The following TTC39C variants were observed in gnomAD, a reference collection of about 807,000 sequenced individuals.
The protein encoded by TTC39C is tetratricopeptide repeat domain 39C, also known as tetratricopeptide repeat protein 39C.
Under a neutral mutation model 76.3 loss-of-function variants are expected in TTC39C, and 33 were observed. The observed-to-expected ratio is 0.43, with a 90% CI of 0.33 to 0.58. TTC39C has a LOEUF of 0.58. Ranked by LOEUF, TTC39C falls within the 20% of genes least tolerant of loss-of-function variation. The probability of loss-of-function intolerance (pLI) is 0.04; values close to 1 mark genes in which losing one functional copy is unlikely to be tolerated. For synonymous variants in TTC39C, 254 were observed against 260.6 expected (o/e 0.97, Z 0.24); for missense variants, 595 against 701.4 (o/e 0.85, Z 1.71).
intron 6 of TTC39C, among the ~76,000 whole-genome samples, chr18:24,111,566 TAA>T (rs56208965): frequency 0.038 from 5,235 of 138,412 alleles, 148 homozygotes; most frequent in Middle Eastern, 0.06. Flanking sequence ...AGACTCTGTC[TAA>T]AAAAAAAAAA....
In TTC39C at chr18:24,071,317, C is replaced by T. The variant is rs1409115681; in HGVS notation, c.460+2046C>T. 2.6e-5 allele frequency among the ~76,000 whole-genome samples: 4 copies of T among 152,176 alleles called. No individual in the cohort carries two copies. The East Asian group carries it at 7.7e-4, about 29-fold the overall frequency. On this transcript the variant is annotated intron_variant, in intron 4 of 13. Transcript: ENST00000317571. ...TATAGAGCACATGCTGTGTGCTAAG[C>T]ACTTAGTTAGATAAGCAAACACAGG... is the stretch of plus-strand genomic sequence containing the variant.
Position 24,097,478 on chromosome 18 carries a change from G to A in TTC39C, c.984+14397G>A, listed in dbSNP as rs573546025. On this transcript the variant is annotated intron_variant, in intron 6 of 13. Transcript: ENST00000317571. ...TGTGCCCATGTCTGCAGCTGATCTGGGTGCAGTGGTTTTGGCACCCATCAA... is the reference window on the plus strand; with the variant it reads ...TGTGCCCATGTCTGCAGCTGATCTGAGTGCAGTGGTTTTGGCACCCATCAA... Among the ~76,000 whole-genome samples, 21 of 152,248 alleles carry A rather than the reference G, an allele frequency of 1.4e-4. No homozygotes were observed. The East Asian group carries it at 3.9e-3, about 28-fold the overall frequency.
At chr18:23,996,147 T>A (rs564818775) in intron 1 of TTC39C, among the ~76,000 whole-genome samples, 1 of 152,370 alleles carries the variant, frequency 6.6e-6, no homozygotes, top group Admixed American at 6.5e-5. Context: ...AGTTTACATT[T>A]CCATCAAAAT....
At chr18:24,083,171 A>C in intron 6 of TTC39C, 90 bp downstream of exon 6, 1 of 1,363,786 alleles carries the variant, frequency 7.3e-7, no homozygotes, top group South Asian at 1.7e-5. Flanking sequence ...AACGAGCCAG[A>C]ATGTCCCAGG....
intron 3 of TTC39C, 65 bp from the exon 4 acceptor site, chr18:24,069,092 C>G: frequency 1.5e-6 from 2 of 1,290,966 alleles, no homozygotes; most frequent in Non-Finnish European, 2.3e-6. Flanking sequence ...TAACCTGATA[C>G]TGTTTGGGGG....
At chr18:24,021,687 TG>T (rs1411815410) in intron 1 of TTC39C, among the ~76,000 whole-genome samples, 1 of 152,110 alleles carries the variant, frequency 6.6e-6, no homozygotes, top group Non-Finnish European at 1.5e-5. Flanking sequence ...TATGTAAAGA[TG>T]GTTGGTGGTT....
In TTC39C at chr18:24,106,549, G is replaced by A. The variant is rs111624952; in HGVS notation, c.985-8005G>A. Among the ~76,000 whole-genome samples the A allele has an allele frequency of 1.1e-3, 170 of 152,294 alleles. 1 individual carries two copies. Among genetic ancestry groups the A allele is most frequent in the African/African-American group, 3.9e-3 (164 of 41,568 alleles). ...TCTTCCTCACTGACGTGGTTAGGAG[G>A]ACTGGCGTTGTGTTGGAGAGAGGGG... On this transcript the variant is annotated intron_variant, in intron 6 of 13. Transcript: ENST00000317571.
intron 4 of TTC39C, among the ~76,000 whole-genome samples, chr18:24,072,441 G>A (rs2084253154): frequency 6.6e-6 from 1 of 152,172 alleles, no homozygotes; most frequent in Admixed American, 6.5e-5. Context: ...GATTACAGGT[G>A]CATGCCACCA....
intron 8 of TTC39C, among the ~76,000 whole-genome samples, chr18:24,122,443 A>G (rs1478124105): frequency 7.6e-6 from 1 of 132,012 alleles, no homozygotes; most frequent in Non-Finnish European, 1.6e-5. Context: ...CGGAGGTTGC[A>G]GTGAGCCGAG....
intron 1 of TTC39C, among the ~76,000 whole-genome samples, chr18:24,003,866 G>A (rs975273647): frequency 6.6e-6 from 1 of 152,134 alleles, no homozygotes; most frequent in Non-Finnish European, 1.5e-5. Flanking sequence ...TCTTGCCTTA[G>A]CTTCCCAAGT....
At chr18:23,994,820 C>T (rs531649411) in intron 1 of TTC39C, among the ~76,000 whole-genome samples, 21 of 152,164 alleles carry the variant, frequency 1.4e-4, no homozygotes, top group African/African-American at 4.6e-4. Context: ...CAGGGCCACG[C>T]GCTGATGCGT....
At chr18:24,092,858 G>A (rs1343278389) in intron 6 of TTC39C, among the ~76,000 whole-genome samples, 2 of 152,162 alleles carry the variant, frequency 1.3e-5, no homozygotes, top group African/African-American at 4.8e-5. Flanking sequence ...GCTGAGGTGA[G>A]TGGACCAGTT....
chr18:24,101,115 A>T (rs77738015), intron 6 of TTC39C, among the ~76,000 whole-genome samples: 19,248 of 152,008 alleles, frequency 0.13, 1,489 homozygotes, highest in East Asian at 0.17. Context: ...AGGCTAGATA[A>T]TTTGTGAGAT....
At chr18:24,071,757 A>G (rs2084244041) in intron 4 of TTC39C, among the ~76,000 whole-genome samples, 1 of 152,202 alleles carries the variant, frequency 6.6e-6, no homozygotes, top group African/African-American at 2.4e-5. Context: ...TTTGTATTTT[A>G]TCCATAAACT....
At chr18:24,102,290 G>A (rs1210517780) in intron 6 of TTC39C, among the ~76,000 whole-genome samples, 2 of 152,186 alleles carry the variant, frequency 1.3e-5, no homozygotes, top group Admixed American at 1.3e-4. Context: ...ATTAGTGGTG[G>A]ATTCAGTTGC....
At position 24,132,678 on chromosome 18, in the gene TTC39C, C is replaced by A. The variant is rs1349684025; in HGVS notation, c.*104C>A. The stretch of plus-strand genomic sequence containing the variant: ...GAAGATGGGCTTTTCTTCTGAAAAC[C>A]ACCTGTGCCAGGGACACATTTTCCC... On this transcript the variant is annotated 3_prime_UTR_variant, in exon 14 of 14. Transcript: ENST00000317571. The A allele has an allele frequency of 3.4e-6, 3 of 885,254 alleles. No individual in the cohort carries two copies. Among genetic ancestry groups the A allele is most frequent in the Non-Finnish European group, 5.1e-6 (3 of 583,464 alleles). The allele number at this position is 885,254 out of a possible 1,614,324, so 54.8% of individuals were successfully genotyped here.
chr18:24,019,747 A>G (rs2083496510), intron 1 of TTC39C: 1 of 811,618 alleles, frequency 1.2e-6, no homozygotes. Flanking sequence ...AGCCATGCTC[A>G]TTTGGTTATG....
intron 1 of TTC39C, among the ~76,000 whole-genome samples, chr18:24,024,009 TATATATA>T (rs1714226571): frequency 4.1e-5 from 1 of 24,250 alleles, no homozygotes; most frequent in African/African-American, 2.7e-4. Context: ...TATATATATA[TATATATA>T]TTTTTTTTTT....
At chr18:24,126,701 G>A (rs1434494753) in intron 10 of TTC39C, among the ~76,000 whole-genome samples, 1 of 151,232 alleles carries the variant, frequency 6.6e-6, no homozygotes, top group Non-Finnish European at 1.5e-5. Context: ...CAGGCTGGGT[G>A]CACTGATGTG....
Sources: allele counts gnomAD v4.1 joint callset (sites outside exome capture counted in the v4.1 genomes callset), GRCh38; gene constraint gnomAD v4.1.1; transcripts MANE v1.5; gene names NCBI Gene and HGNC (gene_info 2026-07-23, HGNC 2026-07-21).